The following CELF1 variants were observed in gnomAD, a reference collection of about 807,000 sequenced individuals.
CELF1 encodes the protein CUGBP Elav-like family member 1.
Under a neutral mutation model 61.8 loss-of-function variants are expected in CELF1, and 10 were observed. The ratio of observed to expected loss-of-function variants is 0.16; its 90% confidence interval spans 0.10 to 0.27. The LOEUF is 0.27. Ranked by LOEUF, CELF1 falls within the 10% of genes least tolerant of loss-of-function variation. The probability of loss-of-function intolerance (pLI) is 1.00; values close to 1 mark genes in which losing one functional copy is unlikely to be tolerated. For synonymous variants in CELF1, 236 were observed against 225.1 expected, an observed-to-expected ratio of 1.05 and a Z score of -0.43; for missense variants, 380 against 639.1, an observed-to-expected ratio of 0.59 and a Z score of 4.37.
intron 1 of CELF1, among the ~76,000 whole-genome samples, chr11:47,545,692 CA>C (rs1166750100): frequency 1.3e-5 from 2 of 151,716 alleles, no homozygotes; most frequent in Non-Finnish European, 2.9e-5. Context: ...TAGGAAAATA[CA>C]ATAATTTTTG....
At chr11:47,495,569 T>C (rs1247902855) in intron 3 of CELF1, among the ~76,000 whole-genome samples, 1 of 152,176 alleles carries the variant, frequency 6.6e-6, no homozygotes, top group Non-Finnish European at 1.5e-5. Flanking sequence ...TATGTCTCAA[T>C]GTGAAGGGGA....
At chr11:47,492,812 A>G (rs1214077359) in intron 3 of CELF1, among the ~76,000 whole-genome samples, 1 of 152,210 alleles carries the variant, frequency 6.6e-6, no homozygotes, top group Non-Finnish European at 1.5e-5. Flanking sequence ...ACCAGTTGTA[A>G]TAGCATTTTA....
At chr11:47,504,367 T>C (rs938884083) in intron 1 of CELF1, among the ~76,000 whole-genome samples, 5 of 148,958 alleles carry the variant, frequency 3.4e-5, no homozygotes, top group African/African-American at 1.2e-4. Context: ...AGGAGCATCA[T>C]TTGAGCTCAG....
At chr11:47,522,406 G>T (rs2095968225) in intron 1 of CELF1, among the ~76,000 whole-genome samples, 1 of 150,258 alleles carries the variant, frequency 6.7e-6, no homozygotes, top group South Asian at 2.1e-4. Flanking sequence ...GGCGTCTGAA[G>T]TCCCAGCTAC....
chr11:47,537,540 C>T (rs112974936), intron 1 of CELF1, among the ~76,000 whole-genome samples: 4 of 152,266 alleles, frequency 2.6e-5, no homozygotes, highest in African/African-American at 9.6e-5. Context: ...AGCCACCACA[C>T]CAGGCCTACA....
chr11:47,519,620 C>CT (rs2095764151), intron 1 of CELF1, among the ~76,000 whole-genome samples: 2 of 152,160 alleles, frequency 1.3e-5, no homozygotes, highest in Non-Finnish European at 2.9e-5. Flanking sequence ...AATCCCAGCA[C>CT]TTGCACTTTG....
intron 1 of CELF1, among the ~76,000 whole-genome samples, chr11:47,501,299 T>C (rs951908019): frequency 6.6e-5 from 10 of 150,618 alleles, no homozygotes; most frequent in Non-Finnish European, 1.5e-4. Context: ...AGTACACAGT[T>C]TACCAAGCCC....
intron 3 of CELF1, among the ~76,000 whole-genome samples, chr11:47,495,294 A>G (rs1350969120): frequency 6.6e-6 from 1 of 152,220 alleles, no homozygotes; most frequent in African/African-American, 2.4e-5. Context: ...ACAAAAGGCC[A>G]CATAGTATAT....
chr11:47,467,467 T>G lies in CELF1; in HGVS notation c.*4763A>C, dbSNP rs943796874. The G allele has an allele frequency of 1.3e-5, 2 of 152,280 alleles. No homozygotes were observed. Among genetic ancestry groups the G allele is most frequent in the Non-Finnish European group, 1.5e-5 (1 of 68,148 alleles). 9.4% of individuals were successfully genotyped at this position (152,280 alleles called of 1,614,324 possible). On this transcript the variant is annotated 3_prime_UTR_variant, in exon 15 of 15. Coordinates refer to ENST00000687097, the MANE Select transcript of CELF1 (RefSeq NM_001376376.1). ...TAGCTAAGCAAGAGCAGAGCTGTGA[T>G]GAAGAGCCAGTGCCGGGTGGCTGGT...
chr11:47,526,778 A>C lies in CELF1; in HGVS notation c.-153-25846T>G, dbSNP rs2096258477. 2.0e-5 allele frequency among the ~76,000 whole-genome samples: 3 copies of C among 152,334 alleles called. No individual in the cohort carries two copies. In the South Asian group the frequency reaches 6.2e-4, roughly 32 times the overall value. On this transcript the variant is annotated intron_variant, in intron 1 of 14. Coordinates refer to ENST00000687097, the MANE Select transcript of CELF1 (RefSeq NM_001376376.1). ...ACTGCTAAGTTAACCAGTCATCAAAAGGAGTTCCAGGCCGGGCAGTGGTGG... is the reference window on the plus strand; with the variant it reads ...ACTGCTAAGTTAACCAGTCATCAAACGGAGTTCCAGGCCGGGCAGTGGTGG...
At chr11:47,544,535 T>C (rs1357894055) in intron 1 of CELF1, among the ~76,000 whole-genome samples, 1 of 152,196 alleles carries the variant, frequency 6.6e-6, no homozygotes, top group Non-Finnish European at 1.5e-5. Context: ...ACATCATTCT[T>C]TCAAACCATT....
At chr11:47,547,623 C>T (rs1302934382) in intron 1 of CELF1, among the ~76,000 whole-genome samples, 2 of 144,302 alleles carry the variant, frequency 1.4e-5, no homozygotes, top group Admixed American at 7.3e-5. Context: ...GAGCCGAGAT[C>T]GCGCCACTGC....
chr11:47,538,048 T>C (rs2096674156), intron 1 of CELF1, among the ~76,000 whole-genome samples: 1 of 151,986 alleles, frequency 6.6e-6, no homozygotes, highest in Admixed American at 6.6e-5. Flanking sequence ...CCCAAATAGC[T>C]AGGACTACAG....
intron 1 of CELF1, among the ~76,000 whole-genome samples, chr11:47,547,051 G>C (rs1263607302): frequency 3.3e-5 from 1 of 30,338 alleles, no homozygotes; most frequent in East Asian, 1.3e-3. Flanking sequence ...GGCAACAAAA[G>C]CGAAACTCCA....
intron 1 of CELF1, among the ~76,000 whole-genome samples, chr11:47,518,348 T>C (rs1324893634): frequency 6.6e-6 from 1 of 152,258 alleles, no homozygotes; most frequent in Non-Finnish European, 1.5e-5. Flanking sequence ...CTATACATTT[T>C]CTTCAATCAA....
chr11:47,490,675 C>A (rs1175705621), intron 3 of CELF1, among the ~76,000 whole-genome samples: 1 of 151,884 alleles, frequency 6.6e-6, no homozygotes, highest in Non-Finnish European at 1.5e-5. Flanking sequence ...ATCTGCCCAC[C>A]TCGGTCTCCC....
At chr11:47,509,331 T>A (rs1382053185) in intron 1 of CELF1, among the ~76,000 whole-genome samples, 1 of 152,210 alleles carries the variant, frequency 6.6e-6, no homozygotes, top group Admixed American at 6.5e-5. Context: ...ACATTATCTC[T>A]ACCTTTCTCT....
chr11:47,552,859 G>C (rs868839549), intron 1 of CELF1, 133 bp downstream of exon 1: 8 of 395,366 alleles, frequency 2.0e-5, no homozygotes, highest in Non-Finnish European at 3.6e-5. Flanking sequence ...CGCAGGGAAC[G>C]AGAAAAGGCC....
rs1030257243 is a variant in CELF1, at chr11:47,472,048, T to C, written c.*182A>G. ...AACCAAAGCACAAACTTGTCCTCTG[T>C]ACGAAGCGAAACTCCCACAGAAGGC... On this transcript the variant is annotated 3_prime_UTR_variant, in exon 15 of 15. Transcript: ENST00000687097. The C allele has an allele frequency of 4.8e-5, 32 of 671,712 alleles. No homozygotes were observed. The African/African-American group carries it at 5.5e-4, about 12-fold the overall frequency. The allele number at this position is 671,712 out of a possible 1,614,324, so 41.6% of individuals were successfully genotyped here.
Sources: gnomAD v4.1 joint callset for allele counts (sites outside exome capture counted in the v4.1 genomes callset) on GRCh38, gnomAD v4.1.1 for gene constraint, MANE v1.5 for transcripts, NCBI Gene and HGNC (gene_info 2026-07-23, HGNC 2026-07-21) for gene names.